ERBB4: variants seen among roughly 807,000 people sequenced by gnomAD.
The protein encoded by ERBB4 is erb-b2 receptor tyrosine kinase 4.
A neutral mutation model predicts 158.0 loss-of-function variants in ERBB4; 42 were observed. That is an observed-to-expected ratio of 0.27 (90% CI 0.21 to 0.34). ERBB4 has a LOEUF of 0.34. ERBB4 is among the 10% of genes least tolerant of loss of function. ERBB4 has a pLI of 1.00. For missense variants in ERBB4, 1,333 were observed against 1,624.1 expected (o/e 0.82, Z 3.08); for synonymous variants, 583 against 558.7 (o/e 1.04, Z -0.61).
chr2:212,120,088 T>G (rs1392147235), intron 2 of ERBB4, among the ~76,000 whole-genome samples: 1 of 152,078 alleles, frequency 6.6e-6, no homozygotes, highest in Non-Finnish European at 1.5e-5. Flanking sequence ...TCATCAGAAG[T>G]AGTGTAGGAA....
chr2:211,994,047 T>C lies in ERBB4; in HGVS notation c.235-46431A>G, dbSNP rs529840933. ...GGCATACATATGTACATTATTTTAATGTTTATGTTTTGGACACTCACTGCT... is the reference window on the plus strand; with the variant it reads ...GGCATACATATGTACATTATTTTAACGTTTATGTTTTGGACACTCACTGCT... On this transcript the variant is annotated intron_variant, in intron 2 of 27. Transcript: ENST00000342788. Among the ~76,000 whole-genome samples, 10 of 152,238 alleles carry C rather than the reference T, an allele frequency of 6.6e-5. No homozygotes were observed. In the South Asian group the frequency reaches 2.1e-3, roughly 32 times the overall value.
rs2076176200 is a variant in ERBB4, at chr2:212,003,218, AAGGAAGGAAG to A, written c.235-55612_235-55603del. Among the ~76,000 whole-genome samples the A allele has an allele frequency of 5.7e-4, 35 of 61,750 alleles. 1 individual carries two copies. The highest frequency in any genetic ancestry group is 9.5e-4 in the Non-Finnish European group (19 of 20,002). 40.5% of individuals were successfully genotyped at this position (61,750 alleles called of 152,430 possible). ...GAAAGAAAGAAAGACAGAAAGAAGG[AAGGAAGGAAG>A]GAAGGAAGGAAGGAAGGAAGGAAGG... On this transcript the variant is annotated intron_variant, in intron 2 of 27. Coordinates refer to ENST00000342788, the MANE Select transcript of ERBB4 (RefSeq NM_005235.3).
chr2:211,387,649 A>G (rs1204911783), intron 26 of ERBB4, among the ~76,000 whole-genome samples: 1 of 142,210 alleles, frequency 7.0e-6, no homozygotes, highest in Non-Finnish European at 1.6e-5. Flanking sequence ...ACTTTTTAGT[A>G]CATGACCAAT....
At chr2:211,641,444 C>T (rs186580798) in intron 16 of ERBB4, among the ~76,000 whole-genome samples, 53 of 152,116 alleles carry the variant, frequency 3.5e-4, no homozygotes, top group Admixed American at 2.6e-3. Context: ...TTTAAAAAAC[C>T]TGTTCATAGT....
At chr2:211,516,543 C>G (rs1360792044) in intron 20 of ERBB4, among the ~76,000 whole-genome samples, 2 of 151,850 alleles carry the variant, frequency 1.3e-5, no homozygotes, top group Non-Finnish European at 2.9e-5. Context: ...CCATTTTGCC[C>G]AGGCTGGTCT....
chr2:212,124,143 AAAT>A (rs1050195856), intron 2 of ERBB4, among the ~76,000 whole-genome samples: 3 of 150,140 alleles, frequency 2.0e-5, no homozygotes. Context: ...TGAAAGCAAA[AAAT>A]AATAATAATA....
intron 3 of ERBB4, among the ~76,000 whole-genome samples, chr2:211,791,738 A>C (rs1450058493): frequency 6.6e-6 from 1 of 151,850 alleles, no homozygotes; most frequent in Admixed American, 6.6e-5. Flanking sequence ...AATAAATGTC[A>C]TGGTTAAATA....
chr2:212,366,640 A>G lies in ERBB4; in HGVS notation c.82+171809T>C, dbSNP rs535647712. Among the ~76,000 whole-genome samples the G allele has an allele frequency of 7.6e-4, 116 of 152,124 alleles. 1 individual carries two copies. The highest frequency in any genetic ancestry group is 2.7e-3 in the African/African-American group (111 of 41,546). Reference sequence around the variant, plus strand: ...TCATTAATAATATATTTTATCCCATAAGACAATCACCAATAAAACATAAGA... The same window carrying G: ...TCATTAATAATATATTTTATCCCATGAGACAATCACCAATAAAACATAAGA... On this transcript the variant is annotated intron_variant, in intron 1 of 27. Transcript: ENST00000342788.
chr2:211,672,049 G>T (rs1432127229), intron 14 of ERBB4, among the ~76,000 whole-genome samples: 1 of 152,024 alleles, frequency 6.6e-6, no homozygotes, highest in Non-Finnish European at 1.5e-5. Context: ...CATCCTTGTG[G>T]TCGTCCTCTG....
At chr2:212,377,966 AT>A (rs140282157) in intron 1 of ERBB4, among the ~76,000 whole-genome samples, 2,143 of 150,490 alleles carry the variant, frequency 0.014, 43 homozygotes, top group African/African-American at 0.05. Flanking sequence ...TTATCTTTTA[AT>A]TTTTTTTTGT....
chr2:212,450,170 T>C lies in ERBB4; in HGVS notation c.82+88279A>G, dbSNP rs184109368. Among the ~76,000 whole-genome samples the C allele has an allele frequency of 1.2e-4, 19 of 152,250 alleles. No individual in the cohort carries two copies. In the East Asian group the frequency reaches 3.7e-3, roughly 29 times the overall value. On this transcript the variant is annotated intron_variant, in intron 1 of 27. Coordinates refer to ENST00000342788, the MANE Select transcript of ERBB4 (RefSeq NM_005235.3). The stretch of plus-strand genomic sequence containing the variant: ...AAGAAGAACAATGGCAATAATAACC[T>C]AAATAGCAACAGAATGGGGAGAAAA...
intron 20 of ERBB4, among the ~76,000 whole-genome samples, chr2:211,438,482 A>G (rs1429816915): frequency 6.6e-6 from 1 of 152,182 alleles, no homozygotes; most frequent in Non-Finnish European, 1.5e-5. Context: ...TTATTTGTTA[A>G]ATGGGGGTAA....
At chr2:211,621,438 A>G (rs2069598486) in intron 18 of ERBB4, among the ~76,000 whole-genome samples, 2 of 152,174 alleles carry the variant, frequency 1.3e-5, no homozygotes, top group Non-Finnish European at 2.9e-5. Flanking sequence ...CAACTGATCT[A>G]TTGATTAAAA....
rs1438732641 is a variant in ERBB4 at position 211,387,970 on chromosome 2, G to A, written c.3158C>T (p.Pro1053Leu). The change falls in exon 26 of 28, where the codon CCT (proline) becomes CTT (leucine). Residue 1053 changes from proline to leucine, a missense_variant. This residue lies in a region of ERBB4 where 252 missense variants were observed against 241.3 expected (regional missense o/e 1.04). Transcript: ENST00000342788. Reference protein sequence around the residue: ...SNRSEIGHSPPPAYTPMSGNQ... With the variant: ...SNRSEIGHSPLPAYTPMSGNQ... ...TCCTGACATGGGGGTGTAGGCAGGA[G>A]GAGGGCTGTGTCCAATTTCACTCTA... 1 of 1,608,320 alleles carries A rather than the reference G, an allele frequency of 6.2e-7. No homozygotes were observed. The highest frequency in any genetic ancestry group is 8.5e-7 in the Non-Finnish European group (1 of 1,174,896).
Position 212,123,804 on chromosome 2 carries a change from G to C in ERBB4, c.234+948C>G, listed in dbSNP as rs73071217. 3.5e-3 allele frequency among the ~76,000 whole-genome samples: 531 copies of C among 152,122 alleles called. 2 individuals are homozygous for C. Among genetic ancestry groups the C allele is most frequent in the African/African-American group, 0.012 (506 of 41,476 alleles). On this transcript the variant is annotated intron_variant, in intron 2 of 27. Transcript: ENST00000342788. The stretch of plus-strand genomic sequence containing the variant: ...GTATAGAATTATTAACATTATCATA[G>C]ATCTCTAAATAATTTACTATCCACT...
chr2:211,430,854 C>T, intron 21 of ERBB4, 91 bp downstream of exon 21: 1 of 1,129,070 alleles, frequency 8.9e-7, no homozygotes, highest in South Asian at 1.3e-5. Flanking sequence ...TCCTAAGCTT[C>T]AGGCTTATTG....
intron 22 of ERBB4, among the ~76,000 whole-genome samples, chr2:211,425,426 T>TAATATTTACATCTTAGGATTTTA (rs1553529637): frequency 6.6e-6 from 1 of 152,106 alleles, no homozygotes; most frequent in East Asian, 1.9e-4. Flanking sequence ...TTTTTTTGGT[T>TAATATTTACATCTTAGGATTTTA]AATATTTACA....
chr2:212,135,100 G>A (rs60497434), intron 1 of ERBB4, among the ~76,000 whole-genome samples: 3,284 of 152,190 alleles, frequency 0.022, 122 homozygotes, highest in African/African-American at 0.075. Flanking sequence ...ACCACAGACA[G>A]ATGAAAGATA....
intron 20 of ERBB4, among the ~76,000 whole-genome samples, chr2:211,474,703 A>G (rs2064912582): frequency 6.6e-6 from 1 of 152,126 alleles, no homozygotes; most frequent in Admixed American, 6.6e-5. Context: ...ATATAATCGA[A>G]CAGATGAGCA....
Sources: gnomAD v4.1 joint callset for allele counts (sites outside exome capture counted in the v4.1 genomes callset) on GRCh38, gnomAD v4.1.1 for gene constraint, gnomAD v4.1.1 regional missense constraint, MANE v1.5 for transcripts, NCBI Gene and HGNC (gene_info 2026-07-23, HGNC 2026-07-21) for gene names.